SHANK2: variants seen among roughly 807,000 people sequenced by gnomAD.
SHANK2 encodes the protein SH3 and multiple ankyrin repeat domains protein 2.
In SHANK2, 43 loss-of-function variants were observed where a neutral mutation model predicts 133.7. The observed-to-expected ratio is 0.32, with a 90% CI of 0.25 to 0.41. The LOEUF (loss-of-function observed/expected upper bound fraction) is 0.41. SHANK2 is among the 10% of genes least tolerant of loss of function. SHANK2 has a pLI of 1.00. For synonymous variants in SHANK2, 1,017 were observed against 952.8 expected (o/e 1.07, Z -1.24); for missense variants, 1,994 against 2,235.8 (o/e 0.89, Z 2.18).
At chr11:70,589,200 A>G (rs1282336307) in intron 17 of SHANK2, among the ~76,000 whole-genome samples, 1 of 152,196 alleles carries the variant, frequency 6.6e-6, no homozygotes, top group Non-Finnish European at 1.5e-5. Flanking sequence ...TCAAAGATTC[A>G]AAGGACAGGC....
chr11:70,713,156 C>CTGA (rs1267269525), intron 14 of SHANK2, among the ~76,000 whole-genome samples: 1 of 152,232 alleles, frequency 6.6e-6, no homozygotes, highest in Admixed American at 6.5e-5. Context: ...CCTCAGCACT[C>CTGA]TGACACCACA....
intron 2 of SHANK2, among the ~76,000 whole-genome samples, chr11:71,182,510 T>C (rs191200821): frequency 7.9e-4 from 121 of 152,308 alleles, no homozygotes; most frequent in African/African-American, 2.8e-3. Context: ...GTCCCCCAGC[T>C]TCAGGTGCAT....
intron 2 of SHANK2, among the ~76,000 whole-genome samples, chr11:71,155,793 G>A (rs1459880116): frequency 2.1e-5 from 3 of 145,372 alleles, no homozygotes; most frequent in South Asian, 2.3e-4. Context: ...CATCTGCCAC[G>A]TAGCCCCCAG....
intron 25 of SHANK2, among the ~76,000 whole-genome samples, chr11:70,478,076 C>T (rs752449447): frequency 6.6e-6 from 1 of 152,016 alleles, no homozygotes; most frequent in East Asian, 1.9e-4. Flanking sequence ...GTAATTGAGA[C>T]ACTCAGAGAG....
At chr11:71,149,315 C>T (rs1204391997) in intron 2 of SHANK2, among the ~76,000 whole-genome samples, 2 of 152,190 alleles carry the variant, frequency 1.3e-5, no homozygotes, top group African/African-American at 2.4e-5. Flanking sequence ...CCTTGTCAGC[C>T]CCGCCCTGGA....
At chr11:70,801,524 G>A (rs1186262789) in intron 13 of SHANK2, among the ~76,000 whole-genome samples, 1 of 152,242 alleles carries the variant, frequency 6.6e-6, no homozygotes, top group East Asian at 1.9e-4. Context: ...GTAGGAATGA[G>A]TGTTCCTCAT....
intron 17 of SHANK2, among the ~76,000 whole-genome samples, chr11:70,632,137 T>C (rs1591675276): frequency 6.6e-6 from 1 of 152,190 alleles, no homozygotes; most frequent in African/African-American, 2.4e-5. Context: ...TTTGTTTTTG[T>C]TTTTGAGACA....
At chr11:70,755,804 G>A (rs998645472) in intron 14 of SHANK2, among the ~76,000 whole-genome samples, 1 of 152,240 alleles carries the variant, frequency 6.6e-6, no homozygotes, top group African/African-American at 2.4e-5. Context: ...CTGGAACGCC[G>A]CGGCTTCCGG....
intron 14 of SHANK2, among the ~76,000 whole-genome samples, chr11:70,707,834 C>A (rs1432429031): frequency 6.6e-6 from 1 of 152,212 alleles, no homozygotes; most frequent in Non-Finnish European, 1.5e-5. Context: ...CTGCCCTTTG[C>A]AGACAGGAAG....
chr11:70,713,127 C>T (rs1459121581), intron 14 of SHANK2, among the ~76,000 whole-genome samples: 3 of 152,216 alleles, frequency 2.0e-5, no homozygotes, highest in Non-Finnish European at 2.9e-5. Context: ...CCAGCCCTGT[C>T]GGGCACGTGC....
chr11:70,666,539 C>T (rs191758029), intron 15 of SHANK2, among the ~76,000 whole-genome samples: 57 of 152,312 alleles, frequency 3.7e-4, no homozygotes, highest in African/African-American at 1.3e-3. Context: ...GTTCTGTGTG[C>T]TGCCCTAGAA....
At chr11:71,164,647 T>G (rs75357229) in intron 2 of SHANK2, among the ~76,000 whole-genome samples, 4 of 152,250 alleles carry the variant, frequency 2.6e-5, no homozygotes, top group Admixed American at 6.5e-5. Flanking sequence ...TATGGAGCGA[T>G]GAAATGTCAC....
intron 11 of SHANK2, among the ~76,000 whole-genome samples, chr11:70,835,995 C>G (rs1191715911): frequency 1.3e-5 from 2 of 152,192 alleles, no homozygotes; most frequent in African/African-American, 4.8e-5. Context: ...TCAAGCCACA[C>G]TGGGGTGGGC....
At chr11:70,726,299 G>A (rs1471628937) in intron 14 of SHANK2, among the ~76,000 whole-genome samples, 1 of 152,180 alleles carries the variant, frequency 6.6e-6, no homozygotes, top group Non-Finnish European at 1.5e-5. Context: ...TTGCCTGTCT[G>A]TACCAAAAGC....
chr11:70,945,478 G>A (rs1218616708), intron 10 of SHANK2, among the ~76,000 whole-genome samples: 3 of 152,180 alleles, frequency 2.0e-5, no homozygotes, highest in Admixed American at 6.5e-5. Context: ...GAGCTCCGAC[G>A]GCTTCCAGCC....
chr11:70,545,898 A>G (rs1554976250), intron 17 of SHANK2, among the ~76,000 whole-genome samples: 1 of 152,074 alleles, frequency 6.6e-6, no homozygotes, highest in Non-Finnish European at 1.5e-5. Context: ...CAGGTCTGAT[A>G]TTTGCTAGAA....
intron 14 of SHANK2, among the ~76,000 whole-genome samples, chr11:70,753,199 A>G (rs1264101670): frequency 4.0e-5 from 6 of 150,732 alleles, no homozygotes; most frequent in Non-Finnish European, 7.4e-5. Flanking sequence ...AAAAACAAAC[A>G]AAAAAAAACA....
At chr11:71,083,421 C>T (rs1951327998) in intron 8 of SHANK2, among the ~76,000 whole-genome samples, 1 of 152,064 alleles carries the variant, frequency 6.6e-6, no homozygotes, top group African/African-American at 2.4e-5. Context: ...ATAGCTGTCT[C>T]CAGAGCTCTA....
chr11:70,761,286 C>T (rs1450277800), intron 14 of SHANK2, among the ~76,000 whole-genome samples: 1 of 152,106 alleles, frequency 6.6e-6, no homozygotes, highest in African/African-American at 2.4e-5. Context: ...AAGAGAGTCC[C>T]AGTCTTTTTC....
Sources: allele counts gnomAD v4.1 joint callset (sites outside exome capture counted in the v4.1 genomes callset), GRCh38; gene constraint gnomAD v4.1.1; transcripts MANE v1.5; gene names NCBI Gene and HGNC (gene_info 2026-07-23, HGNC 2026-07-21).